The following NDUFS1 variants were observed in gnomAD, a reference collection of about 807,000 sequenced individuals.
The protein encoded by NDUFS1 is NADH-ubiquinone oxidoreductase 75 kDa subunit, mitochondrial.
NDUFS1 carries 61 observed loss-of-function variants against 84.4 expected under a neutral mutation model. The observed-to-expected ratio is 0.72, with a 90% CI of 0.59 to 0.89. The LOEUF is 0.89. NDUFS1 is among the 40% of genes least tolerant of loss of function. The pLI is 0.00. For synonymous variants in NDUFS1, 275 were observed against 290.0 expected, an observed-to-expected ratio of 0.95 and a Z score of 0.53; for missense variants, 891 against 890.0, an observed-to-expected ratio of 1.00 and a Z score of -0.01.
At chr2:206,148,214 T>C (rs974136069) in intron 5 of NDUFS1, among the ~76,000 whole-genome samples, 3 of 152,150 alleles carry the variant, frequency 2.0e-5, no homozygotes, top group Non-Finnish European at 4.4e-5. Context: ...CGTGAGCCAC[T>C]GTGCCAGGCC....
chr2:206,129,526 G>T (rs1040165966), intron 15 of NDUFS1, among the ~76,000 whole-genome samples: 3 of 151,890 alleles, frequency 2.0e-5, no homozygotes, highest in African/African-American at 4.8e-5. Context: ...GCCTCTCAAA[G>T]TGGTGGGATT....
At chr2:206,152,964 A>G (rs936873474) in intron 2 of NDUFS1, among the ~76,000 whole-genome samples, 58 of 152,138 alleles carry the variant, frequency 3.8e-4, no homozygotes, top group African/African-American at 1.2e-3. Context: ...TCGGCCTCCC[A>G]AAGTGCTGAG....
intron 12 of NDUFS1, among the ~76,000 whole-genome samples, chr2:206,141,562 A>G (rs1170201597): frequency 6.9e-6 from 1 of 145,296 alleles, no homozygotes; most frequent in African/African-American, 2.6e-5. Flanking sequence ...TAAAAATAAA[A>G]ATAATTTTTT....
At chr2:206,126,344 T>C (rs1431946759) in intron 18 of NDUFS1, among the ~76,000 whole-genome samples, 195 bp downstream of exon 18, 1 of 152,232 alleles carries the variant, frequency 6.6e-6, no homozygotes, top group Non-Finnish European at 1.5e-5. Flanking sequence ...TTTCAAACTT[T>C]GCTTACATTT....
chr2:206,126,468 A>G, intron 18 of NDUFS1, 71 bp downstream of exon 18: 1 of 1,380,716 alleles, frequency 7.2e-7, no homozygotes, highest in Non-Finnish European at 1.0e-6. Context: ...TTGGAATTAT[A>G]ACACCAAATG....
intron 12 of NDUFS1, among the ~76,000 whole-genome samples, chr2:206,140,453 G>A (rs368355673): frequency 5.3e-5 from 8 of 152,092 alleles, no homozygotes; most frequent in South Asian, 4.2e-4. Context: ...ACAGTGACCC[G>A]AAACTGAGAT....
intron 2 of NDUFS1, among the ~76,000 whole-genome samples, 163 bp from the exon 3 acceptor site, chr2:206,152,673 A>G (rs1413576919): frequency 6.6e-6 from 1 of 150,506 alleles, no homozygotes; most frequent in Non-Finnish European, 1.5e-5. Context: ...TTGATAGCAG[A>G]GTAGTTTAAA....
Position 206,116,338 on chromosome 2 carries a change from A to T in NDUFS1, c.*7847T>A, listed in dbSNP as rs1206032720. 3.6e-5 allele frequency: 32 copies of T among 889,022 alleles called. No individual in the cohort carries two copies. The highest frequency in any genetic ancestry group is 5.6e-5 in the Non-Finnish European group (29 of 518,920). 55.1% of individuals were successfully genotyped at this position (889,022 alleles called of 1,614,324 possible). A position where few individuals can be genotyped will look rare whatever the true frequency, so the allele number is the denominator to read the frequency against. On this transcript the variant is annotated 3_prime_UTR_variant, in exon 19 of 19. Transcript: ENST00000233190. The stretch of plus-strand genomic sequence containing the variant: ...TCACACTCTCCAAAGCACCAAACTC[A>T]TCTTGTTTGTTCAATTTTGTCCCAA...
At position 206,136,433 on chromosome 2, in the gene NDUFS1, T is replaced by G. The variant is rs1160567696; in HGVS notation, c.1392+2052A>C. On this transcript the variant is annotated intron_variant, in intron 13 of 18. Transcript: ENST00000233190. ...CCTTAGTTTTTAGTTGTTGGTTTTT[T>G]TTTTGTTTTTTTTTTTTTGAGATGG... is the stretch of plus-strand genomic sequence containing the variant. 7.4e-5 allele frequency among the ~76,000 whole-genome samples: 9 copies of G among 121,006 alleles called. No homozygotes were observed. In the East Asian group the frequency reaches 1.9e-3, roughly 25 times the overall value. 79.4% of individuals were successfully genotyped at this position (121,006 alleles called of 152,430 possible).
chr2:206,154,030 G>C (rs758335615), intron 1 of NDUFS1, among the ~76,000 whole-genome samples: 8 of 152,160 alleles, frequency 5.3e-5, no homozygotes, highest in Non-Finnish European at 1.2e-4. Flanking sequence ...TATCATTAAT[G>C]GTTATGTAAA....
rs752946282 is a variant in NDUFS1 at position 206,144,979 on chromosome 2, A to G, written c.785T>C (p.Val262Ala). Residue 262 changes from valine to alanine, a missense_variant, in exon 9 of 19, where the codon GTG (valine) becomes GCG (alanine). Physicochemically the swap from Val to Ala is moderately conservative, Grantham distance 64. Transcript: ENST00000233190. ...DVMDAVGSNI[V>A]VSTRTGEVMR... ...CACTTCTCCAGTTCTTGTGCTAACCACAATATTACTTCCAACCGCATCCAT... is the reference window on the plus strand; with the variant it reads ...CACTTCTCCAGTTCTTGTGCTAACCGCAATATTACTTCCAACCGCATCCAT... The G allele has an allele frequency of 6.2e-7, 1 of 1,614,022 alleles. No individual in the cohort carries two copies. Among genetic ancestry groups the G allele is most frequent in the Non-Finnish European group, 8.5e-7 (1 of 1,179,938 alleles).
Position 206,116,437 on chromosome 2 carries a change from G to A in NDUFS1, c.*7748C>T. On this transcript the variant is annotated 3_prime_UTR_variant, in exon 19 of 19. Coordinates refer to ENST00000233190, the MANE Select transcript of NDUFS1 (RefSeq NM_005006.7). Reference sequence around the variant, plus strand: ...GGCCTCGATAGGCAGGGCGCGGCAGGTGCCAGGACCACGTGCAGGCTGCAG... The same window carrying A: ...GGCCTCGATAGGCAGGGCGCGGCAGATGCCAGGACCACGTGCAGGCTGCAG... The A allele has an allele frequency of 3.4e-6, 3 of 885,404 alleles. No homozygotes were observed. Among genetic ancestry groups the A allele is most frequent in the South Asian group, 1.4e-5 (1 of 71,186 alleles). 54.8% of individuals were successfully genotyped at this position (885,404 alleles called of 1,614,324 possible).
chr2:206,142,867 TAC>T, intron 10 of NDUFS1, 36 bp from the exon 11 acceptor site: 1 of 1,612,850 alleles, frequency 6.2e-7, no homozygotes, highest in Non-Finnish European at 8.5e-7. Context: ...CCAAGAAACC[TAC>T]ACGCAGCAAA....
Position 206,127,892 on chromosome 2 carries a change from CAT to C in NDUFS1, c.1787_1788del (p.Tyr596CysfsTer4). Reference sequence around the variant, plus strand: ...TGCTGAGCTCTACCCTCAGTGTTGACATATGTAGCAGACTTCTCTGTGTAAGC... The same window carrying C: ...TGCTGAGCTCTACCCTCAGTGTTGACATGTAGCAGACTTCTCTGTGTAAGC... ...GAAYTEKSAT[Y>X]VNTEGRAQQT... On this transcript the variant is annotated frameshift_variant, in exon 16 of 19. Transcript: ENST00000233190. LOFTEE classifies it high-confidence loss of function. 6.2e-7 allele frequency: 1 copy of C among 1,614,134 alleles called. No individual in the cohort carries two copies. Among genetic ancestry groups the C allele is most frequent in the Non-Finnish European group, 8.5e-7 (1 of 1,180,032 alleles).
chr2:206,144,114 T>A lies in NDUFS1; in HGVS notation c.891A>T (p.Leu297=), dbSNP rs563757602. The A allele has an allele frequency of 6.2e-7, 1 of 1,613,810 alleles. No individual in the cohort carries two copies. The highest frequency in any genetic ancestry group is 1.7e-5 in the Admixed American group (1 of 60,020). The change falls in exon 10 of 19, where the codon CTA becomes CTT. Residue 297 remains leucine, a synonymous_variant. Coordinates refer to ENST00000233190, the MANE Select transcript of NDUFS1 (RefSeq NM_005006.7). The part of the protein sequence containing the change: ...SDKTRFAYDG[L]KRQRLTEPMV... ...TTGGCTCGGTAAGTCTTTGACGTTT[T>A]AGCCCATCATAGGCAAATCTAGAAA...
intron 14 of NDUFS1, among the ~76,000 whole-genome samples, chr2:206,131,160 A>C (rs561655760): frequency 3.9e-5 from 6 of 152,202 alleles, no homozygotes; most frequent in African/African-American, 1.4e-4. Context: ...AACAAGTTGG[A>C]AGCATGCTTC....
rs1691121800 is a variant in NDUFS1 at position 206,122,388 on chromosome 2, G to C, written c.*1797C>G. 6.6e-6 allele frequency: 1 copy of C among 151,976 alleles called. No individual in the cohort carries two copies. The highest frequency in any genetic ancestry group is 2.4e-5 in the African/African-American group (1 of 41,364). 9.4% of individuals were successfully genotyped at this position (151,976 alleles called of 1,614,324 possible). On this transcript the variant is annotated 3_prime_UTR_variant, in exon 19 of 19. Transcript: ENST00000233190. ...TCACGCCTGTAATCCCAGCACTTTG[G>C]GAGGCCAAGGCAGGTAGATCACCTG...
chr2:206,140,032 G>A (rs1235064559), intron 12 of NDUFS1, among the ~76,000 whole-genome samples: 1 of 151,928 alleles, frequency 6.6e-6, no homozygotes, highest in East Asian at 1.9e-4. Context: ...GTAGGCTTAT[G>A]AAATAATATT....
At chr2:206,153,938 A>C (rs1229787488) in intron 1 of NDUFS1, among the ~76,000 whole-genome samples, 1 of 152,230 alleles carries the variant, frequency 6.6e-6, no homozygotes, top group Non-Finnish European at 1.5e-5. Context: ...CAGTTTTGCC[A>C]TTTAAAAAAA....
Sources: gnomAD v4.1 joint callset for allele counts (sites outside exome capture counted in the v4.1 genomes callset) on GRCh38, gnomAD v4.1.1 for gene constraint, MANE v1.5 for transcripts, NCBI Gene and HGNC (gene_info 2026-07-23, HGNC 2026-07-21) for gene names.